Variants in DGLUCY observed in about 807,000 individuals in gnomAD.
DGLUCY encodes the protein D-glutamate cyclase, also known as D-glutamate cyclase, mitochondrial.
DGLUCY carries 58 observed loss-of-function variants against 58.5 expected under a neutral mutation model. The ratio of observed to expected loss-of-function variants is 0.99; its 90% CI spans 0.80 to 1.23. DGLUCY has a LOEUF of 1.23. Among genes scored for constraint, DGLUCY ranks in the 50% most tolerant of loss-of-function variants. DGLUCY has a pLI of 0.00. For synonymous variants in DGLUCY, 325 were observed against 314.1 expected, an observed-to-expected ratio of 1.03 and a Z score of -0.37; for missense variants, 779 against 784.7, an observed-to-expected ratio of 0.99 and a Z score of 0.09.
In DGLUCY at chr14:91,177,856, C is replaced by T. The variant is rs1595848622; in HGVS notation, c.730+1800C>T. Among the ~76,000 whole-genome samples, 8 of 152,370 alleles carry T rather than the reference C, an allele frequency of 5.3e-5. No homozygotes were observed. In the South Asian group the frequency reaches 1.7e-3, roughly 32 times the overall value. On this transcript the variant is annotated intron_variant, in intron 7 of 13. Coordinates refer to ENST00000256324, the MANE Select transcript of DGLUCY (RefSeq NM_001102368.3). ...GAGAACCTGCTATGTGCCAGGCATG[C>T]ACCCAGGCCTCAGGAGTACAGTGCT... is the stretch of plus-strand genomic sequence containing the variant.
Position 91,132,871 on chromosome 14 carries a change from A to G in DGLUCY, c.-82+18588A>G, listed in dbSNP as rs79410966. ...ACCATTTTACTTTCCATCTTTATGA[A>G]TTTGACCATTCCAGGTCCCTCATAT... On this transcript the variant is annotated intron_variant, in intron 1 of 13. Coordinates refer to ENST00000256324, the MANE Select transcript of DGLUCY (RefSeq NM_001102368.3). 9.3e-4 allele frequency among the ~76,000 whole-genome samples: 141 copies of G among 152,252 alleles called. 3 individuals carry two copies. The East Asian group carries it at 0.026, about 28-fold the overall frequency.
chr14:91,168,733 T>C (rs2048413007), intron 4 of DGLUCY, among the ~76,000 whole-genome samples: 2 of 152,350 alleles, frequency 1.3e-5, no homozygotes, highest in Middle Eastern at 3.4e-3. Context: ...CCTTGCTGTG[T>C]ATTGCCAGTA....
chr14:91,095,016 C>G (rs991734057), intron 1 of DGLUCY, among the ~76,000 whole-genome samples: 8 of 152,094 alleles, frequency 5.3e-5, no homozygotes, highest in African/African-American at 1.9e-4. Context: ...CAGCTGCCCT[C>G]CAGCAGCTGG....
chr14:91,093,729 C>T (rs1397387562), intron 1 of DGLUCY, among the ~76,000 whole-genome samples: 2 of 151,986 alleles, frequency 1.3e-5, no homozygotes, highest in African/African-American at 4.8e-5. Flanking sequence ...TCCTTGAACC[C>T]AGGAGACGGA....
At chr14:91,153,780 A>AC (rs2047454240) in intron 1 of DGLUCY, among the ~76,000 whole-genome samples, 1 of 152,226 alleles carries the variant, frequency 6.6e-6, no homozygotes, top group Admixed American at 6.5e-5. Flanking sequence ...AGTATCTAAG[A>AC]CAGAGCTCAA....
Position 91,167,212 on chromosome 14 carries a change from C to T in DGLUCY, c.104-13C>T. 6.4e-7 allele frequency: 1 copy of T among 1,567,432 alleles called. No individual in the cohort carries two copies. Among genetic ancestry groups the T allele is most frequent in the South Asian group, 1.2e-5 (1 of 84,442 alleles). ...GCTGACTATACATTTTTCCCTTCTC[C>T]CACCATACCCAGAGCTCCGACCAGC... is the stretch of plus-strand genomic sequence containing the variant. On this transcript the variant is annotated splice_polypyrimidine_tract_variant and intron_variant, in intron 3 of 13. Transcript: ENST00000256324.
chr14:91,096,691 CT>C (rs1221451957), intron 1 of DGLUCY, among the ~76,000 whole-genome samples: 4 of 152,182 alleles, frequency 2.6e-5, no homozygotes, highest in African/African-American at 4.8e-5. Flanking sequence ...GCCCACCCCC[CT>C]GGCTTGTTCC....
At chr14:91,079,895 C>T (rs1220028143) in intron 1 of DGLUCY, among the ~76,000 whole-genome samples, 1 of 151,946 alleles carries the variant, frequency 6.6e-6, no homozygotes, top group African/African-American at 2.4e-5. Flanking sequence ...AATGTTGTAT[C>T]ACCATCACCC....
intron 4 of DGLUCY, among the ~76,000 whole-genome samples, chr14:91,168,718 A>T (rs939015062): frequency 2.0e-5 from 3 of 152,208 alleles, no homozygotes; most frequent in African/African-American, 7.2e-5. Flanking sequence ...TAGACGGTTG[A>T]CATTCCTTGC....
intron 1 of DGLUCY, among the ~76,000 whole-genome samples, chr14:91,088,477 A>G (rs1287828574): frequency 6.6e-6 from 1 of 152,198 alleles, no homozygotes; most frequent in African/African-American, 2.4e-5. Context: ...AGAGATAAAA[A>G]AATCAGAGAA....
At chr14:91,137,912 C>G (rs552048496) in intron 1 of DGLUCY, among the ~76,000 whole-genome samples, 19 of 152,148 alleles carry the variant, frequency 1.2e-4, no homozygotes, top group Admixed American at 8.5e-4. Context: ...TCTGAGCCCC[C>G]CAATGTCCTT....
At chr14:91,061,195 C>A (rs982635605) in intron 1 of DGLUCY, among the ~76,000 whole-genome samples, 5 of 152,168 alleles carry the variant, frequency 3.3e-5, no homozygotes, top group Admixed American at 3.3e-4. Context: ...TGTGTGACAA[C>A]CAGCGAGACG....
intron 1 of DGLUCY, among the ~76,000 whole-genome samples, chr14:91,094,670 GA>G (rs2140071625): frequency 1.3e-5 from 2 of 150,938 alleles, no homozygotes; most frequent in East Asian, 4.0e-4. Flanking sequence ...TAAAAATACA[GA>G]AATTAGCTGG....
At chr14:91,145,142 G>A (rs2046944639) in intron 1 of DGLUCY, 2 of 152,208 alleles carry the variant, frequency 1.3e-5, no homozygotes, top group South Asian at 4.1e-4. Context: ...AGCCCACTGT[G>A]TGCTGACACT....
chr14:91,133,447 T>G (rs1051968125), intron 1 of DGLUCY, among the ~76,000 whole-genome samples: 7 of 152,238 alleles, frequency 4.6e-5, no homozygotes, highest in African/African-American at 1.7e-4. Context: ...CTGCTATGAA[T>G]ATTGGTATAC....
At chr14:91,087,968 G>A (rs899341612) in intron 1 of DGLUCY, among the ~76,000 whole-genome samples, 1 of 152,186 alleles carries the variant, frequency 6.6e-6, no homozygotes, top group African/African-American at 2.4e-5. Context: ...GACAGCCCAG[G>A]GATGGAGCCT....
chr14:91,092,168 T>G (rs1232014774), intron 1 of DGLUCY, among the ~76,000 whole-genome samples: 1 of 152,222 alleles, frequency 6.6e-6, no homozygotes, highest in Non-Finnish European at 1.5e-5. Context: ...GTATTAGCCA[T>G]AGTACTAATT....
At chr14:91,080,323 G>A (rs997536327) in intron 1 of DGLUCY, among the ~76,000 whole-genome samples, 1 of 152,188 alleles carries the variant, frequency 6.6e-6, no homozygotes, top group African/African-American at 2.4e-5. Context: ...TAGGACTGCC[G>A]AATCATACAG....
chr14:91,220,830 A>G (rs749959069), intron 13 of DGLUCY: 43 of 386,178 alleles, frequency 1.1e-4, no homozygotes, highest in African/African-American at 5.2e-4. Context: ...ATCCCAGCCC[A>G]TTTCATGCCA....
Sources: allele counts gnomAD v4.1 joint callset (sites outside exome capture counted in the v4.1 genomes callset), GRCh38; gene constraint gnomAD v4.1.1; transcripts MANE v1.5; gene names NCBI Gene and HGNC (gene_info 2026-07-23, HGNC 2026-07-21).